The following TAFA1 variants were observed in gnomAD, a reference collection of about 807,000 sequenced individuals.
TAFA1 encodes the protein chemokine-like protein TAFA-1.
In TAFA1, 4 loss-of-function variants were observed where a neutral mutation model predicts 18.5. The ratio of observed to expected loss-of-function variants is 0.22; its 90% CI spans 0.11 to 0.49. TAFA1 has a LOEUF of 0.49. Among genes scored for constraint, TAFA1 ranks in the 20% least tolerant of loss-of-function variants. TAFA1 has a pLI of 0.98. For missense variants in TAFA1, 147 were observed against 169.0 expected (o/e 0.87, Z 0.72); for synonymous variants, 56 against 55.2 (o/e 1.01, Z -0.06).
intron 2 of TAFA1, among the ~76,000 whole-genome samples, chr3:68,319,737 A>G (rs2068667685): frequency 6.6e-6 from 1 of 152,258 alleles, no homozygotes; most frequent in Non-Finnish European, 1.5e-5. Flanking sequence ...GGATTGAGAA[A>G]TAAATGTTTT....
At chr3:68,500,377 A>C (rs2072636019) in intron 3 of TAFA1, among the ~76,000 whole-genome samples, 1 of 152,166 alleles carries the variant, frequency 6.6e-6, no homozygotes. Flanking sequence ...TATAAGCCCA[A>C]ATTCTTTGTT....
chr3:68,280,434 A>G (rs571542462), intron 2 of TAFA1, among the ~76,000 whole-genome samples: 4 of 152,200 alleles, frequency 2.6e-5, no homozygotes, highest in Admixed American at 1.3e-4. Flanking sequence ...TCAACATTGT[A>G]TGTCTTGATG....
At chr3:68,414,592 A>G (rs1216283523) in intron 2 of TAFA1, among the ~76,000 whole-genome samples, 2 of 152,124 alleles carry the variant, frequency 1.3e-5, no homozygotes, top group Non-Finnish European at 2.9e-5. Context: ...AAGTTGCTGG[A>G]ATGTGTATAA....
At chr3:68,465,034 C>G (rs959174171) in intron 3 of TAFA1, among the ~76,000 whole-genome samples, 7 of 152,066 alleles carry the variant, frequency 4.6e-5, no homozygotes, top group Admixed American at 3.9e-4. Flanking sequence ...CTAAACCGTA[C>G]AAAATAATTC....
At chr3:68,541,813 C>T (rs886950326) in intron 4 of TAFA1, among the ~76,000 whole-genome samples, 1 of 152,166 alleles carries the variant, frequency 6.6e-6, no homozygotes, top group South Asian at 2.1e-4. Flanking sequence ...CTGTTCCAAA[C>T]CTTCATCTTT....
At chr3:68,138,584 G>A (rs556862892) in intron 2 of TAFA1, among the ~76,000 whole-genome samples, 1 of 152,250 alleles carries the variant, frequency 6.6e-6, no homozygotes, top group South Asian at 2.1e-4. Flanking sequence ...GTGAGCTTTG[G>A]AATTAAGCAG....
intron 2 of TAFA1, among the ~76,000 whole-genome samples, chr3:68,221,695 C>T (rs1449424794): frequency 6.6e-6 from 1 of 152,030 alleles, no homozygotes; most frequent in Non-Finnish European, 1.5e-5. Flanking sequence ...AAACAAGGTT[C>T]AATAGTATTG....
intron 3 of TAFA1, among the ~76,000 whole-genome samples, chr3:68,433,552 G>A (rs1019980288): frequency 6.6e-6 from 1 of 152,054 alleles, no homozygotes. Context: ...TGAAGGCAAA[G>A]TTCATGAAGG....
At chr3:68,146,122 T>C (rs1387346863) in intron 2 of TAFA1, among the ~76,000 whole-genome samples, 7 of 152,166 alleles carry the variant, frequency 4.6e-5, no homozygotes, top group Non-Finnish European at 8.8e-5. Context: ...TTGGAAGAGC[T>C]TGAGAAAAAC....
chr3:68,463,651 T>C (rs1004299239), intron 3 of TAFA1, among the ~76,000 whole-genome samples: 2 of 152,142 alleles, frequency 1.3e-5, no homozygotes, highest in South Asian at 2.1e-4. Flanking sequence ...AAAAGCTCCA[T>C]GTAAATAGTG....
At chr3:68,017,246 G>C (rs146594173) in intron 2 of TAFA1, among the ~76,000 whole-genome samples, 1 of 152,300 alleles carries the variant, frequency 6.6e-6, no homozygotes, top group Non-Finnish European at 1.5e-5. Context: ...TTTATCTGAT[G>C]AACATGCAAG....
chr3:68,040,061 G>A (rs1017786770), intron 2 of TAFA1, among the ~76,000 whole-genome samples: 2 of 152,170 alleles, frequency 1.3e-5, no homozygotes, highest in Non-Finnish European at 2.9e-5. Context: ...TATGTGGAAC[G>A]ACACCTTCTG....
chr3:68,213,319 T>C (rs777579891), intron 2 of TAFA1, among the ~76,000 whole-genome samples: 2 of 152,112 alleles, frequency 1.3e-5, no homozygotes, highest in Non-Finnish European at 2.9e-5. Context: ...ATCTAGCTCA[T>C]AGTCTCTTCA....
intron 2 of TAFA1, among the ~76,000 whole-genome samples, chr3:68,093,170 G>A (rs1449828923): frequency 1.3e-5 from 2 of 152,080 alleles, no homozygotes; most frequent in African/African-American, 4.8e-5. Flanking sequence ...AGCTGTAGCT[G>A]GACTGTTACC....
chr3:68,263,002 G>C (rs1448973019), intron 2 of TAFA1, among the ~76,000 whole-genome samples: 2 of 152,128 alleles, frequency 1.3e-5, no homozygotes, highest in Non-Finnish European at 2.9e-5. Flanking sequence ...TATCCATCTG[G>C]AAGGACAGTC....
intron 2 of TAFA1, among the ~76,000 whole-genome samples, chr3:68,310,749 C>G (rs2068501508): frequency 6.6e-6 from 1 of 152,020 alleles, no homozygotes; most frequent in African/African-American, 2.4e-5. Flanking sequence ...TGAAATGAGT[C>G]TAATATTTTC....
intron 2 of TAFA1, among the ~76,000 whole-genome samples, chr3:68,212,116 A>G (rs987880082): frequency 6.6e-6 from 1 of 151,952 alleles, no homozygotes; most frequent in Admixed American, 6.6e-5. Context: ...CTGAAGAGAC[A>G]GCATTTGACT....
chr3:68,069,420 G>A (rs541590317), intron 2 of TAFA1, among the ~76,000 whole-genome samples: 1 of 152,130 alleles, frequency 6.6e-6, no homozygotes, highest in Non-Finnish European at 1.5e-5. Flanking sequence ...GGAAAGACCT[G>A]CTCCCATGAT....
intron 2 of TAFA1, among the ~76,000 whole-genome samples, chr3:68,119,917 A>G (rs1420784531): frequency 6.6e-6 from 1 of 152,172 alleles, no homozygotes; most frequent in Non-Finnish European, 1.5e-5. Context: ...TATACTCCAT[A>G]CTCAAGTTTG....
Sources: allele counts gnomAD v4.1 joint callset (sites outside exome capture counted in the v4.1 genomes callset), GRCh38; gene constraint gnomAD v4.1.1; transcripts MANE v1.5; gene names NCBI Gene and HGNC (gene_info 2026-07-23, HGNC 2026-07-21).